Variants in NKAIN3 observed in about 807,000 individuals in gnomAD.
The protein encoded by NKAIN3 is sodium/potassium-transporting ATPase subunit beta-1-interacting protein 3.
Under a neutral mutation model 30.2 loss-of-function variants are expected in NKAIN3, and 25 were observed. The observed-to-expected ratio is 0.83, with a 90% CI of 0.60 to 1.16. The LOEUF is 1.16. Ranked by LOEUF, NKAIN3 falls within the 50% of genes most tolerant of loss-of-function variation. The probability of loss-of-function intolerance (pLI) is 0.00; values close to 1 mark genes in which losing one functional copy is unlikely to be tolerated. For synonymous variants in NKAIN3, 91 were observed against 89.6 expected, an observed-to-expected ratio of 1.02 and a Z score of -0.09; for missense variants, 225 against 254.1, an observed-to-expected ratio of 0.89 and a Z score of 0.78.
chr8:62,489,692 C>A (rs1330972834), intron 1 of NKAIN3, among the ~76,000 whole-genome samples: 1 of 152,192 alleles, frequency 6.6e-6, no homozygotes, highest in Non-Finnish European at 1.5e-5. Flanking sequence ...ATGAGGAAAT[C>A]AATAACCAAG....
chr8:62,380,422 A>G (rs909478572), intron 1 of NKAIN3, among the ~76,000 whole-genome samples: 1 of 152,154 alleles, frequency 6.6e-6, no homozygotes, highest in African/African-American at 2.4e-5. Context: ...GCCAATGGGA[A>G]GAAAGACTAA....
At chr8:62,415,768 A>ATTG (rs1437918466) in intron 1 of NKAIN3, among the ~76,000 whole-genome samples, 1 of 150,356 alleles carries the variant, frequency 6.7e-6, no homozygotes, top group Non-Finnish European at 1.5e-5. Flanking sequence ...TATTATTATT[A>ATTG]TTATTTTGAG....
chr8:62,692,445 G>A (rs1814011396), intron 3 of NKAIN3, among the ~76,000 whole-genome samples: 1 of 152,184 alleles, frequency 6.6e-6, no homozygotes, highest in African/African-American at 2.4e-5. Flanking sequence ...GATTTTGTGT[G>A]TGCAGGCCTA....
intron 5 of NKAIN3, among the ~76,000 whole-genome samples, chr8:62,933,268 T>C (rs757638387): frequency 6.6e-6 from 1 of 151,990 alleles, no homozygotes; most frequent in Non-Finnish European, 1.5e-5. Flanking sequence ...AAAGTAATAA[T>C]AGGAGCTATA....
intron 4 of NKAIN3, among the ~76,000 whole-genome samples, chr8:62,824,653 A>G (rs927136257): frequency 2.6e-5 from 4 of 152,114 alleles, no homozygotes; most frequent in African/African-American, 9.7e-5. Context: ...AGCCTAACAT[A>G]TGTATATTGC....
At chr8:62,986,923 C>T (rs62508113), downstream of NKAIN3, among the ~76,000 whole-genome samples, 16,172 of 152,238 alleles carry the variant, frequency 0.11, 901 homozygotes, top group South Asian at 0.17. Context: ...TTGTCTCTTA[C>T]ACACAACGTG....
At chr8:62,418,341 C>T (rs1585786972) in intron 1 of NKAIN3, among the ~76,000 whole-genome samples, 1 of 152,074 alleles carries the variant, frequency 6.6e-6, no homozygotes, top group East Asian at 1.9e-4. Context: ...ATATCTAGCT[C>T]TCATAAAAAA....
At chr8:62,571,571 G>T (rs10093462) in intron 1 of NKAIN3, among the ~76,000 whole-genome samples, 13,232 of 152,052 alleles carry the variant, frequency 0.087, 606 homozygotes, top group East Asian at 0.16. Flanking sequence ...GCATGGGAGC[G>T]CCAACCCCAC....
chr8:62,714,324 T>C (rs1302471922), intron 3 of NKAIN3, among the ~76,000 whole-genome samples: 5 of 151,814 alleles, frequency 3.3e-5, no homozygotes, highest in Non-Finnish European at 4.4e-5. Flanking sequence ...GGGGACTTCA[T>C]TGAAATAAAA....
intron 4 of NKAIN3, among the ~76,000 whole-genome samples, chr8:62,835,979 T>C (rs1819349025): frequency 6.6e-6 from 1 of 152,018 alleles, no homozygotes; most frequent in South Asian, 2.1e-4. Context: ...ATGTGGTACA[T>C]ATACACCATG....
chr8:62,389,979 TG>T (rs1817542890), intron 1 of NKAIN3, among the ~76,000 whole-genome samples: 2 of 152,204 alleles, frequency 1.3e-5, no homozygotes, highest in African/African-American at 4.8e-5. Context: ...CAGACAGTCT[TG>T]GGAACAAGTC....
intron 4 of NKAIN3, among the ~76,000 whole-genome samples, chr8:62,780,682 A>C (rs1817329541): frequency 6.6e-6 from 1 of 152,176 alleles, no homozygotes; most frequent in African/African-American, 2.4e-5. Flanking sequence ...TTAAAGACAA[A>C]AGTCATATGA....
intron 1 of NKAIN3, among the ~76,000 whole-genome samples, chr8:62,267,648 A>G (rs1220024905): frequency 2.0e-5 from 3 of 152,198 alleles, no homozygotes; most frequent in Non-Finnish European, 4.4e-5. Context: ...GTGTCCTGAT[A>G]TACACCTAAC....
chr8:62,362,084 T>C (rs1816582939), intron 1 of NKAIN3, among the ~76,000 whole-genome samples: 1 of 152,208 alleles, frequency 6.6e-6, no homozygotes, highest in African/African-American at 2.4e-5. Flanking sequence ...GTTCTCGATG[T>C]TAAGACTCTC....
intron 4 of NKAIN3, among the ~76,000 whole-genome samples, chr8:62,846,728 C>T (rs754449290): frequency 6.6e-6 from 1 of 151,994 alleles, no homozygotes; most frequent in African/African-American, 2.4e-5. Flanking sequence ...TTTAGTCTAT[C>T]CTTGGTAGGC....
intron 6 of NKAIN3, among the ~76,000 whole-genome samples, chr8:62,957,234 C>T (rs1456626375): frequency 6.6e-6 from 1 of 151,976 alleles, no homozygotes; most frequent in Non-Finnish European, 1.5e-5. Flanking sequence ...CCTGAGTTCA[C>T]GCCATTCTCC....
chr8:62,357,008 G>A (rs960584686), intron 1 of NKAIN3, among the ~76,000 whole-genome samples: 4 of 152,068 alleles, frequency 2.6e-5, no homozygotes, highest in Non-Finnish European at 5.9e-5. Context: ...AGGCTGAGGT[G>A]GGAGAATTGC....
At chr8:62,323,026 C>A (rs1814992785) in intron 1 of NKAIN3, among the ~76,000 whole-genome samples, 1 of 152,176 alleles carries the variant, frequency 6.6e-6, no homozygotes, top group Non-Finnish European at 1.5e-5. Context: ...ACACTGACAG[C>A]ATCCAATGCT....
chr8:62,843,151 T>C (rs1034638374), intron 4 of NKAIN3, among the ~76,000 whole-genome samples: 1 of 151,594 alleles, frequency 6.6e-6, no homozygotes. Flanking sequence ...ACAGAGGAGA[T>C]AGAATTCAGC....
Sources: gnomAD v4.1 joint callset for allele counts (sites outside exome capture counted in the v4.1 genomes callset) on GRCh38, gnomAD v4.1.1 for gene constraint, MANE v1.5 for transcripts, NCBI Gene and HGNC (gene_info 2026-07-23, HGNC 2026-07-21) for gene names.